The following COL21A1 variants were observed in gnomAD, a reference collection of about 807,000 sequenced individuals.
The protein encoded by COL21A1 is collagen type XXI alpha 1 chain, also known as collagen alpha-1(XXI) chain.
A neutral mutation model predicts 137.9 loss-of-function variants in COL21A1; 149 were observed. That is an observed-to-expected ratio of 1.08 (90% confidence interval 0.95 to 1.24). COL21A1 has a LOEUF of 1.24. Ranked by LOEUF, COL21A1 falls within the 50% of genes most tolerant of loss-of-function variation. COL21A1 has a pLI of 0.00. For missense variants in COL21A1, 1,167 were observed against 1,158.4 expected (o/e 1.01, Z -0.11); for synonymous variants, 456 against 391.5 (o/e 1.16, Z -1.95).
intron 2 of COL21A1, among the ~76,000 whole-genome samples, chr6:56,181,043 C>T (rs1357674375): frequency 2.6e-5 from 4 of 152,162 alleles, no homozygotes; most frequent in African/African-American, 9.7e-5. Context: ...CTTTCCTGAC[C>T]TTCCACAGTT....
chr6:56,067,477 A>C, intron 22 of COL21A1, 147 bp from the exon 23 acceptor site: 1 of 557,848 alleles, frequency 1.8e-6, no homozygotes, highest in Non-Finnish European at 3.1e-6. Context: ...TCCTAACACA[A>C]TACTTGGGAA....
At chr6:56,282,184 T>C (rs1482192487) in intron 1 of COL21A1, among the ~76,000 whole-genome samples, 1 of 152,196 alleles carries the variant, frequency 6.6e-6, no homozygotes, top group Non-Finnish European at 1.5e-5. Flanking sequence ...GAAGCCTTTC[T>C]ATTAATTACC....
chr6:56,338,302 A>C (rs1765380574), intron 1 of COL21A1, among the ~76,000 whole-genome samples: 1 of 152,074 alleles, frequency 6.6e-6, no homozygotes, highest in South Asian at 2.1e-4. Context: ...GCTTTGGAGA[A>C]GAGGCACTTT....
At chr6:56,163,392 C>T (rs551216786) in intron 9 of COL21A1, among the ~76,000 whole-genome samples, 66 of 152,296 alleles carry the variant, frequency 4.3e-4, no homozygotes, top group African/African-American at 1.5e-3. Flanking sequence ...CTAAGTGATG[C>T]CACAAGAAGC....
intron 1 of COL21A1, among the ~76,000 whole-genome samples, chr6:56,335,811 C>A (rs2152344285): frequency 6.6e-6 from 1 of 152,314 alleles, no homozygotes; most frequent in African/African-American, 2.4e-5. Context: ...GCTGAGCTAC[C>A]TACAGGGAGG....
intron 20 of COL21A1, among the ~76,000 whole-genome samples, chr6:56,071,015 C>T (rs1254932847): frequency 1.3e-5 from 2 of 151,454 alleles, no homozygotes; most frequent in African/African-American, 4.8e-5. Flanking sequence ...TCTCTAAAAA[C>T]CTGTGTTAAA....
chr6:56,057,939 C>T, intron 29 of COL21A1, 95 bp from the exon 30 acceptor site: 1 of 824,358 alleles, frequency 1.2e-6, no homozygotes, highest in Non-Finnish European at 1.8e-6. Flanking sequence ...AAAAAAAAAA[C>T]CTTGAATATT....
Position 56,074,235 on chromosome 6 carries a change from A to C in COL21A1, c.1962T>G (p.Ser654=), listed in dbSNP as rs1031680935. 1.3e-6 allele frequency: 2 copies of C among 1,581,606 alleles called. No homozygotes were observed. The highest frequency in any genetic ancestry group is 8.6e-7 in the Non-Finnish European group (1 of 1,164,010). Residue 654 remains serine (S), a synonymous_variant, in exon 20 of 30, where the codon TCT becomes TCG. Coordinates refer to ENST00000244728, the MANE Select transcript of COL21A1 (RefSeq NM_030820.4). ...GSPGQPGTPG[S]KGSKGEPGIQ... is the part of the protein sequence containing the mutation. ...TTGTTTATTTTATCATATTTACCTT[A>C]GATCCCGGTGTTCCAGGCTGGCCTG...
chr6:56,390,539 C>T (rs1294763686), intron 1 of COL21A1, among the ~76,000 whole-genome samples: 1 of 149,276 alleles, frequency 6.7e-6, no homozygotes, highest in South Asian at 2.1e-4. Flanking sequence ...CACACACGAC[C>T]CTACTATATG....
chr6:56,259,096 A>T (rs1763187611), intron 1 of COL21A1, among the ~76,000 whole-genome samples: 1 of 152,180 alleles, frequency 6.6e-6, no homozygotes. Context: ...CAGTGTTCTC[A>T]AGGAACACTC....
chr6:56,392,449 AT>A, intron 1 of COL21A1, among the ~76,000 whole-genome samples: 1 of 152,246 alleles, frequency 6.6e-6, no homozygotes, highest in Admixed American at 6.5e-5. Context: ...AAGGATGCCC[AT>A]TTTCACTACT....
At chr6:56,215,999 C>T (rs992199297) in intron 1 of COL21A1, among the ~76,000 whole-genome samples, 3 of 152,082 alleles carry the variant, frequency 2.0e-5, no homozygotes, top group Admixed American at 6.6e-5. Flanking sequence ...AATTCTCTAA[C>T]CTCACAATTC....
intron 16 of COL21A1, among the ~76,000 whole-genome samples, chr6:56,115,196 A>T (rs1196077023): frequency 1.3e-5 from 2 of 151,522 alleles, no homozygotes; most frequent in Non-Finnish European, 2.9e-5. Context: ...CTAATGCTAG[A>T]TGACGAGTTA....
chr6:56,385,417 T>G (rs1359118352), intron 1 of COL21A1, among the ~76,000 whole-genome samples: 1 of 152,162 alleles, frequency 6.6e-6, no homozygotes, highest in African/African-American at 2.4e-5. Flanking sequence ...TTTTCCAGCT[T>G]CTAGAGCATG....
Position 56,108,609 on chromosome 6 carries a change from G to A in COL21A1, c.1759-7084C>T, listed in dbSNP as rs536655489. On this transcript the variant is annotated intron_variant, in intron 16 of 29. Coordinates refer to ENST00000244728, the MANE Select transcript of COL21A1 (RefSeq NM_030820.4). The stretch of plus-strand genomic sequence containing the variant: ...ACGTAGAAACTACATTCATGAAACA[G>A]AAGGTGAAAGAAAAAATAGACAAAA... Among the ~76,000 whole-genome samples, 67 of 151,926 alleles carry A rather than the reference G, an allele frequency of 4.4e-4. No homozygotes were observed. The East Asian group carries it at 0.011, about 26-fold the overall frequency.
At chr6:56,122,547 T>C (rs1355418610) in intron 16 of COL21A1, among the ~76,000 whole-genome samples, 1 of 152,162 alleles carries the variant, frequency 6.6e-6, no homozygotes, top group Non-Finnish European at 1.5e-5. Context: ...AAAAATTGAC[T>C]CTAATGAGGT....
At chr6:56,319,262 G>C (rs1764812509) in intron 1 of COL21A1, among the ~76,000 whole-genome samples, 1 of 152,100 alleles carries the variant, frequency 6.6e-6, no homozygotes, top group African/African-American at 2.4e-5. Context: ...TTTCACACCT[G>C]TCTGGTAGGC....
At chr6:56,175,978 C>G (rs1030620412) in intron 3 of COL21A1, among the ~76,000 whole-genome samples, 7 of 152,128 alleles carry the variant, frequency 4.6e-5, no homozygotes, top group African/African-American at 1.7e-4. Context: ...AACACTCTTG[C>G]ATGCATCAAT....
At chr6:56,204,928 G>A (rs1779663735) in intron 1 of COL21A1, among the ~76,000 whole-genome samples, 2 of 152,224 alleles carry the variant, frequency 1.3e-5, no homozygotes, top group South Asian at 4.1e-4. Context: ...AAATGGAAAG[G>A]AATAGTATCA....
Sources: gnomAD v4.1 joint callset for allele counts (sites outside exome capture counted in the v4.1 genomes callset) on GRCh38, gnomAD v4.1.1 for gene constraint, MANE v1.5 for transcripts, NCBI Gene and HGNC (gene_info 2026-07-23, HGNC 2026-07-21) for gene names.